Variants in SOX5 observed in about 807,000 individuals in gnomAD.
The protein encoded by SOX5 is SRY-box transcription factor 5.
Under a neutral mutation model 92.0 loss-of-function variants are expected in SOX5, and 9 were observed. The ratio of observed to expected loss-of-function variants is 0.10; its 90% CI spans 0.06 to 0.17. The LOEUF (loss-of-function observed/expected upper bound fraction) is 0.17, where lower values mean the gene tolerates loss of function less well. SOX5 is among the 10% of genes least tolerant of loss of function. The pLI, the probability that SOX5 is intolerant of heterozygous loss-of-function variation, is 1.00. For synonymous variants in SOX5, 344 were observed against 336.3 expected (o/e 1.02, Z -0.25); for missense variants, 642 against 944.5 (o/e 0.68, Z 4.20).
At chr12:24,204,327 A>ATTATTATTATT (rs33920840) in intron 4 of SOX5, among the ~76,000 whole-genome samples, 4 of 149,962 alleles carry the variant, frequency 2.7e-5, no homozygotes, top group East Asian at 3.9e-4. Context: ...TATTATTATT[A>ATTATTATTATT]ATTATTATTA....
intron 11 of SOX5, among the ~76,000 whole-genome samples, chr12:23,559,801 ACTT>A (rs889359304): frequency 3.3e-5 from 5 of 151,970 alleles, no homozygotes; most frequent in African/African-American, 9.7e-5. Context: ...ACCCGGCTGA[ACTT>A]CTTTTCTTTT....
chr12:24,225,102 C>A (rs973303875), intron 3 of SOX5, among the ~76,000 whole-genome samples: 1 of 152,164 alleles, frequency 6.6e-6, no homozygotes, highest in African/African-American at 2.4e-5. Flanking sequence ...TTGGTTATAT[C>A]GAACACAAAT....
intron 3 of SOX5, among the ~76,000 whole-genome samples, chr12:23,813,024 C>T (rs928346087): frequency 1.3e-5 from 2 of 152,190 alleles, no homozygotes; most frequent in African/African-American, 4.8e-5. Flanking sequence ...CAAAAAATCA[C>T]ACATTTTCAG....
intron 14 of SOX5, among the ~76,000 whole-genome samples, chr12:23,536,226 G>A (rs1940409362): frequency 6.6e-6 from 1 of 152,124 alleles, no homozygotes; most frequent in South Asian, 2.1e-4. Flanking sequence ...TAGATATCTT[G>A]TTTTTAAACC....
intron 2 of SOX5, among the ~76,000 whole-genome samples, chr12:23,860,988 C>T (rs1469170875): frequency 8.9e-6 from 1 of 112,476 alleles, no homozygotes; most frequent in African/African-American, 3.4e-5. Context: ...ACCCTGCCAA[C>T]ATAGAAATAA....
intron 8 of SOX5, among the ~76,000 whole-genome samples, chr12:23,633,289 T>C (rs979494205): frequency 2.6e-5 from 4 of 152,058 alleles, no homozygotes; most frequent in Admixed American, 1.3e-4. Flanking sequence ...ATGATGCCCA[T>C]TAAGTAAAAT....
At chr12:23,771,714 A>G (rs1046623122) in intron 3 of SOX5, among the ~76,000 whole-genome samples, 3 of 152,174 alleles carry the variant, frequency 2.0e-5, no homozygotes, top group African/African-American at 7.2e-5. Context: ...GTTGCCTTAC[A>G]GGAGTTCTGC....
At chr12:24,462,128 T>C (rs1322158629) in intron 1 of SOX5, among the ~76,000 whole-genome samples, 1 of 152,216 alleles carries the variant, frequency 6.6e-6, no homozygotes, top group Non-Finnish European at 1.5e-5. Flanking sequence ...TATCACAGTG[T>C]ACTTACACAA....
chr12:23,581,124 A>T (rs1949982453), intron 9 of SOX5, among the ~76,000 whole-genome samples: 1 of 152,074 alleles, frequency 6.6e-6, no homozygotes, highest in Non-Finnish European at 1.5e-5. Flanking sequence ...TTTAACAAAC[A>T]AAAAGCATTC....
chr12:24,458,401 T>C (rs556840205), intron 1 of SOX5, among the ~76,000 whole-genome samples: 1 of 152,314 alleles, frequency 6.6e-6, no homozygotes, highest in South Asian at 2.1e-4. Flanking sequence ...TTATCATCTA[T>C]GGGCATTTTT....
chr12:24,102,711 G>A (rs150127019), intron 4 of SOX5, among the ~76,000 whole-genome samples: 1 of 152,164 alleles, frequency 6.6e-6, no homozygotes, highest in Admixed American at 6.5e-5. Context: ...AATTTATGTG[G>A]ACTCTCATTT....
chr12:24,381,545 G>C (rs748644875), intron 1 of SOX5, among the ~76,000 whole-genome samples: 1 of 152,136 alleles, frequency 6.6e-6, no homozygotes, highest in Non-Finnish European at 1.5e-5. Flanking sequence ...CCAGTGGATG[G>C]GGTGAGAGCA....
intron 1 of SOX5, among the ~76,000 whole-genome samples, chr12:23,948,612 T>A (rs1001050608): frequency 3.3e-5 from 5 of 151,744 alleles, no homozygotes; most frequent in Admixed American, 1.3e-4. Context: ...TTTTTTTTTT[T>A]AATTCACCAT....
At chr12:23,797,948 G>A (rs1343362718) in intron 3 of SOX5, among the ~76,000 whole-genome samples, 1 of 151,534 alleles carries the variant, frequency 6.6e-6, no homozygotes, top group Non-Finnish European at 1.5e-5. Flanking sequence ...GTTTGGTTTT[G>A]TTTTTTGTTC....
chr12:23,638,887 C>CAAAAAA (rs57608068), intron 8 of SOX5, among the ~76,000 whole-genome samples: 2 of 119,720 alleles, frequency 1.7e-5, no homozygotes. Context: ...TTTCTCACTG[C>CAAAAAA]AAAAAAAAAA....
At chr12:24,074,154 T>C (rs1014362907) in intron 4 of SOX5, among the ~76,000 whole-genome samples, 3 of 152,108 alleles carry the variant, frequency 2.0e-5, no homozygotes, top group African/African-American at 7.2e-5. Flanking sequence ...CATAAATGTA[T>C]CCAAATGGAA....
chr12:23,625,653 AG>A (rs1229190781), intron 8 of SOX5, among the ~76,000 whole-genome samples: 1 of 152,162 alleles, frequency 6.6e-6, no homozygotes, highest in Admixed American at 6.5e-5. Context: ...TCCGTTGCCC[AG>A]GCTGGTGTGC....
At chr12:24,020,205 T>C (rs1002892255) in intron 4 of SOX5, among the ~76,000 whole-genome samples, 2 of 152,176 alleles carry the variant, frequency 1.3e-5, no homozygotes, top group South Asian at 4.1e-4. Flanking sequence ...CAAAGTTCTT[T>C]GACTTGGGCC....
chr12:24,468,591 C>T (rs1944467314), intron 1 of SOX5, among the ~76,000 whole-genome samples: 1 of 152,166 alleles, frequency 6.6e-6, no homozygotes, highest in South Asian at 2.1e-4. Flanking sequence ...TTTAGTCAAA[C>T]ACCGCCCCAC....
Sources: allele counts gnomAD v4.1 joint callset (sites outside exome capture counted in the v4.1 genomes callset), GRCh38; gene constraint gnomAD v4.1.1; transcripts MANE v1.5; gene names NCBI Gene and HGNC (gene_info 2026-07-23, HGNC 2026-07-21).